Variants in DCC observed in about 807,000 individuals in gnomAD.
DCC encodes the protein netrin receptor DCC.
A neutral mutation model predicts 172.5 loss-of-function variants in DCC; 58 were observed. The ratio of observed to expected loss-of-function variants is 0.34; its 90% CI spans 0.27 to 0.42. The LOEUF (loss-of-function observed/expected upper bound fraction) is 0.42, where lower values mean the gene tolerates loss of function less well. Among genes scored for constraint, DCC ranks in the 10% least tolerant of loss-of-function variants. The pLI is 1.00. For missense variants in DCC, 1,740 were observed against 1,791.0 expected, an observed-to-expected ratio of 0.97 and a Z score of 0.51; for synonymous variants, 709 against 644.5, an observed-to-expected ratio of 1.10 and a Z score of -1.52.
At chr18:53,210,932 C>G (rs1045412516) in intron 11 of DCC, among the ~76,000 whole-genome samples, 1 of 151,886 alleles carries the variant, frequency 6.6e-6, no homozygotes, top group Admixed American at 6.6e-5. Flanking sequence ...ACCTAGAAAA[C>G]CACTGGTTTA....
chr18:52,385,986 G>A (rs955451986), intron 1 of DCC, among the ~76,000 whole-genome samples: 2 of 152,082 alleles, frequency 1.3e-5, no homozygotes, highest in Non-Finnish European at 2.9e-5. Flanking sequence ...TAGCACAGAT[G>A]TGTATGCATA....
intron 2 of DCC, among the ~76,000 whole-genome samples, chr18:52,770,983 C>T (rs901319559): frequency 6.6e-6 from 1 of 152,190 alleles, no homozygotes; most frequent in South Asian, 2.1e-4. Context: ...TGTTCTTGGC[C>T]TCTCCTTCCC....
intron 5 of DCC, among the ~76,000 whole-genome samples, chr18:53,003,004 C>T (rs2041589760): frequency 6.6e-6 from 1 of 152,056 alleles, no homozygotes; most frequent in Non-Finnish European, 1.5e-5. Flanking sequence ...AACCTCTACC[C>T]TTAGGACATA....
chr18:52,499,226 T>C (rs1168652045), intron 1 of DCC, among the ~76,000 whole-genome samples: 1 of 152,190 alleles, frequency 6.6e-6, no homozygotes, highest in Non-Finnish European at 1.5e-5. Flanking sequence ...AAGTTAATGA[T>C]TGACTGATAG....
At chr18:52,989,672 C>G (rs890883594) in intron 5 of DCC, among the ~76,000 whole-genome samples, 1 of 152,136 alleles carries the variant, frequency 6.6e-6, no homozygotes, top group African/African-American at 2.4e-5. Flanking sequence ...CATGTACTCA[C>G]ACAACAACAC....
At position 52,635,817 on chromosome 18, in the gene DCC, C is replaced by CA. The variant is rs386387707; in HGVS notation, c.92-116237_92-116236insA. On this transcript the variant is annotated intron_variant, in intron 1 of 28. Transcript: ENST00000442544. ...ACTAATTCATAACTAGAATTAAACT[C>CA]CCCCCAAAAAAGTCAATCACCGTGA... Among the ~76,000 whole-genome samples the CA allele has an allele frequency of 2.3e-4, 14 of 61,562 alleles. No individual in the cohort carries two copies. The South Asian group carries it at 7.1e-3, about 31-fold the overall frequency. 40.4% of individuals were successfully genotyped at this position (61,562 alleles called of 152,430 possible).
intron 1 of DCC, among the ~76,000 whole-genome samples, chr18:52,586,525 T>A (rs969805212): frequency 6.6e-6 from 1 of 152,172 alleles, no homozygotes; most frequent in African/African-American, 2.4e-5. Context: ...AACTTCCAGT[T>A]TAATGGCATC....
At chr18:53,495,127 C>G (rs1374301922) in intron 26 of DCC, among the ~76,000 whole-genome samples, 1 of 152,104 alleles carries the variant, frequency 6.6e-6, no homozygotes, top group Non-Finnish European at 1.5e-5. Flanking sequence ...CGTGGTGACT[C>G]ATGCCTGTAA....
At chr18:53,351,489 T>TAC (rs1442567925) in intron 15 of DCC, among the ~76,000 whole-genome samples, 1 of 67,196 alleles carries the variant, frequency 1.5e-5, no homozygotes, top group Non-Finnish European at 3.0e-5. Flanking sequence ...TATATATATA[T>TAC]AGTGTGTATA....
In DCC at chr18:52,341,265, G is replaced by A. The variant is rs544947626; in HGVS notation, c.91+387G>A. 2.1e-4 allele frequency among the ~76,000 whole-genome samples: 32 copies of A among 152,252 alleles called. No individual in the cohort carries two copies. The South Asian group carries it at 5.8e-3, about 28-fold the overall frequency. ...GGGAGGATTGGGGCAACAGGAGCAG[G>A]CGAGGAGGACATCCAGGGGCTTTGA... On this transcript the variant is annotated intron_variant, in intron 1 of 28. Coordinates refer to ENST00000442544, the MANE Select transcript of DCC (RefSeq NM_005215.4).
chr18:52,944,886 C>A (rs754031611), intron 5 of DCC, among the ~76,000 whole-genome samples: 1 of 152,068 alleles, frequency 6.6e-6, no homozygotes, highest in Non-Finnish European at 1.5e-5. Flanking sequence ...AAAAGAGTAT[C>A]CAAAGTTTTA....
chr18:53,430,009 T>G (rs528185033), intron 21 of DCC, among the ~76,000 whole-genome samples: 20 of 152,238 alleles, frequency 1.3e-4, no homozygotes, highest in African/African-American at 4.8e-4. Context: ...GGTAAACCGA[T>G]CTTTTAGAAA....
At chr18:53,383,134 T>C (rs76579371) in intron 15 of DCC, among the ~76,000 whole-genome samples, 2 of 152,044 alleles carry the variant, frequency 1.3e-5, no homozygotes, top group African/African-American at 4.8e-5. Context: ...TTGATCCCTT[T>C]GGCAAAACTC....
At chr18:52,518,466 A>G (rs1466298924) in intron 1 of DCC, among the ~76,000 whole-genome samples, 1 of 152,232 alleles carries the variant, frequency 6.6e-6, no homozygotes, top group Non-Finnish European at 1.5e-5. Context: ...AGAATAGGAT[A>G]AAGTGTAAAT....
At chr18:53,045,061 T>G (rs1423200373) in intron 5 of DCC, among the ~76,000 whole-genome samples, 1 of 151,884 alleles carries the variant, frequency 6.6e-6, no homozygotes, top group African/African-American at 2.4e-5. Context: ...CAGGGATATT[T>G]TAGAAGCTTC....
intron 1 of DCC, among the ~76,000 whole-genome samples, chr18:52,423,073 C>T (rs541536163): frequency 2.8e-4 from 42 of 152,112 alleles, no homozygotes; most frequent in Non-Finnish European, 4.3e-4. Context: ...CCTGGGACAC[C>T]TGGATTCATT....
At chr18:52,509,735 A>G (rs746564327) in intron 1 of DCC, among the ~76,000 whole-genome samples, 1 of 152,124 alleles carries the variant, frequency 6.6e-6, no homozygotes, top group Non-Finnish European at 1.5e-5. Context: ...GTTTCTCCAA[A>G]TTACTTTGAA....
chr18:52,634,175 G>C (rs1056282946), intron 1 of DCC, among the ~76,000 whole-genome samples: 2 of 152,234 alleles, frequency 1.3e-5, no homozygotes, highest in African/African-American at 4.8e-5. Flanking sequence ...TGATGTGTCT[G>C]CCAAGGCATG....
chr18:53,105,754 T>C (rs755303476), intron 7 of DCC, among the ~76,000 whole-genome samples: 1 of 151,826 alleles, frequency 6.6e-6, no homozygotes, highest in African/African-American at 2.4e-5. Flanking sequence ...GCCTGGGAAG[T>C]AGAATGCATT....
Sources: gnomAD v4.1 joint callset for allele counts (sites outside exome capture counted in the v4.1 genomes callset) on GRCh38, gnomAD v4.1.1 for gene constraint, MANE v1.5 for transcripts, NCBI Gene and HGNC (gene_info 2026-07-23, HGNC 2026-07-21) for gene names.